Variants in ZNF385D observed in about 807,000 individuals in gnomAD.
ZNF385D encodes zinc finger protein 385D.
In ZNF385D, 15 loss-of-function variants were observed where a neutral mutation model predicts 35.8. The observed-to-expected ratio is 0.42, with a 90% CI of 0.28 to 0.64. The LOEUF (loss-of-function observed/expected upper bound fraction) is 0.64, where lower values mean the gene tolerates loss of function less well. Among genes scored for constraint, ZNF385D ranks in the 30% least tolerant of loss-of-function variants. The pLI is 0.23. For missense variants in ZNF385D, 474 were observed against 494.6 expected, an observed-to-expected ratio of 0.96 and a Z score of 0.39; for synonymous variants, 212 against 186.8, an observed-to-expected ratio of 1.13 and a Z score of -1.10.
intron 3 of ZNF385D, among the ~76,000 whole-genome samples, chr3:21,801,251 G>A (rs1352538130): frequency 2.6e-5 from 4 of 152,074 alleles, no homozygotes; most frequent in African/African-American, 9.7e-5. Flanking sequence ...ATTTTTGTGT[G>A]TGTCAGTATT....
chr3:21,636,080 T>C lies in ZNF385D; in HGVS notation c.165+28806A>G, dbSNP rs546034874. On this transcript the variant is annotated intron_variant, in intron 2 of 7. Transcript: ENST00000281523. ...TTTCCTCTGGGTAGATACCCAGTCA[T>C]GGATTGCTGAATCAAATAGTAGTTC... 3.2e-3 allele frequency among the ~76,000 whole-genome samples: 481 copies of C among 152,096 alleles called. 1 individual carries two copies. Among genetic ancestry groups the C allele is most frequent in the African/African-American group, 0.011 (469 of 41,530 alleles).
chr3:21,674,358 G>T (rs895208146), intron 1 of ZNF385D, among the ~76,000 whole-genome samples: 2 of 152,004 alleles, frequency 1.3e-5, no homozygotes, highest in Non-Finnish European at 2.9e-5. Flanking sequence ...ACTTTGACTG[G>T]GAAGGAAAAG....
intron 2 of ZNF385D, among the ~76,000 whole-genome samples, chr3:21,610,768 C>T (rs915848799): frequency 3.9e-5 from 5 of 127,292 alleles, no homozygotes; most frequent in African/African-American, 1.8e-4. Flanking sequence ...GAGCGAGACT[C>T]CGTCCCCCCC....
intron 2 of ZNF385D, among the ~76,000 whole-genome samples, chr3:21,652,193 G>A (rs142776558): frequency 6.6e-6 from 1 of 152,188 alleles, no homozygotes; most frequent in Non-Finnish European, 1.5e-5. Flanking sequence ...TTTTCTGATT[G>A]ACTTTTCAGT....
intron 1 of ZNF385D, among the ~76,000 whole-genome samples, chr3:21,745,133 T>A (rs965242954): frequency 6.6e-6 from 1 of 152,174 alleles, no homozygotes; most frequent in Non-Finnish European, 1.5e-5. Context: ...CCTGCCCCCA[T>A]AGCACCCATC....
intron 4 of ZNF385D, among the ~76,000 whole-genome samples, chr3:21,464,701 TATAC>T (rs1422006407): frequency 2.7e-5 from 4 of 146,918 alleles, no homozygotes; most frequent in African/African-American, 1.0e-4. Flanking sequence ...TGAAAAAACA[TATAC>T]ATACTCAATT....
intron 3 of ZNF385D, among the ~76,000 whole-genome samples, chr3:22,042,644 C>A (rs1378742449): frequency 6.6e-6 from 1 of 152,098 alleles, no homozygotes; most frequent in Non-Finnish European, 1.5e-5. Context: ...CATAAAACAC[C>A]CATTGCTTCT....
At chr3:22,165,341 G>C (rs77071926) in intron 3 of ZNF385D, among the ~76,000 whole-genome samples, 9 of 152,046 alleles carry the variant, frequency 5.9e-5, no homozygotes, top group Non-Finnish European at 1.2e-4. Context: ...AAAAAAAGCT[G>C]AGTAGTTTGG....
intron 1 of ZNF385D, among the ~76,000 whole-genome samples, chr3:21,693,841 T>C (rs1221840374): frequency 6.6e-6 from 1 of 151,324 alleles, no homozygotes; most frequent in East Asian, 1.9e-4. Context: ...ATATTAATAC[T>C]GTAAAACTTT....
At chr3:21,507,002 A>T (rs1443635805) in intron 4 of ZNF385D, among the ~76,000 whole-genome samples, 1 of 152,150 alleles carries the variant, frequency 6.6e-6, no homozygotes, top group African/African-American at 2.4e-5. Flanking sequence ...TCATAAAGTT[A>T]GTGAATAGGA....
At chr3:21,795,926 G>C (rs1031564804) in intron 3 of ZNF385D, among the ~76,000 whole-genome samples, 1 of 152,142 alleles carries the variant, frequency 6.6e-6, no homozygotes, top group East Asian at 1.9e-4. Flanking sequence ...CTAATAATTT[G>C]CTACAAAGGT....
At chr3:21,681,316 A>AAAAAAAAAAAAAAAAACAAAAAC in intron 1 of ZNF385D, among the ~76,000 whole-genome samples, 1 of 141,676 alleles carries the variant, frequency 7.1e-6, no homozygotes, top group Non-Finnish European at 1.6e-5. Context: ...AAAAAAAAAA[A>AAAAAAAAAAAAAAAAACAAAAAC]AAAAAAAACC....
intron 2 of ZNF385D, among the ~76,000 whole-genome samples, chr3:22,255,430 AT>A (rs1335692489): frequency 6.6e-6 from 1 of 151,824 alleles, no homozygotes; most frequent in East Asian, 1.9e-4. Flanking sequence ...CACACTTAAC[AT>A]TTTGGGGATT....
intron 2 of ZNF385D, among the ~76,000 whole-genome samples, chr3:21,650,464 T>A (rs116816189): frequency 6.6e-6 from 1 of 152,090 alleles, no homozygotes; most frequent in African/African-American, 2.4e-5. Context: ...ACATGATACA[T>A]AGATGAGAAA....
intron 3 of ZNF385D, among the ~76,000 whole-genome samples, chr3:21,903,588 G>T (rs185763719): frequency 4.6e-5 from 7 of 152,256 alleles, no homozygotes; most frequent in Admixed American, 3.3e-4. Context: ...GGTGATGATT[G>T]CAGTGGTATA....
intron 4 of ZNF385D, among the ~76,000 whole-genome samples, chr3:21,442,011 A>G (rs1701885113): frequency 6.6e-6 from 1 of 152,200 alleles, no homozygotes; most frequent in African/African-American, 2.4e-5. Flanking sequence ...CAGGTTGCTA[A>G]TACGTTGTGG....
At chr3:22,206,717 T>C (rs1157137944) in intron 2 of ZNF385D, among the ~76,000 whole-genome samples, 1 of 151,922 alleles carries the variant, frequency 6.6e-6, no homozygotes, top group East Asian at 1.9e-4. Flanking sequence ...TTGAAAAATT[T>C]CTTGAAACAA....
intron 3 of ZNF385D, among the ~76,000 whole-genome samples, chr3:21,857,932 C>A (rs1044293658): frequency 4.6e-5 from 7 of 151,954 alleles, no homozygotes; most frequent in Middle Eastern, 3.4e-3. Context: ...AATACAGTTT[C>A]AAAGGAATCC....
intron 3 of ZNF385D, among the ~76,000 whole-genome samples, chr3:21,969,440 C>A (rs1248709453): frequency 6.6e-6 from 1 of 152,132 alleles, no homozygotes; most frequent in East Asian, 1.9e-4. Context: ...AGAAGGAGGT[C>A]CTAGCTTTCT....
Sources: allele counts gnomAD v4.1 joint callset (sites outside exome capture counted in the v4.1 genomes callset), GRCh38; gene constraint gnomAD v4.1.1; transcripts MANE v1.5; gene names NCBI Gene and HGNC (gene_info 2026-07-23, HGNC 2026-07-21).